The following DCLK3 variants were observed in gnomAD, a reference collection of about 807,000 sequenced individuals.
The protein encoded by DCLK3 is doublecortin like kinase 3.
Under a neutral mutation model 46.4 loss-of-function variants are expected in DCLK3, and 30 were observed. The ratio of observed to expected loss-of-function variants is 0.65; its 90% confidence interval spans 0.48 to 0.88. The LOEUF is 0.88. Ranked by LOEUF, DCLK3 falls within the 40% of genes least tolerant of loss-of-function variation. The pLI, the probability that DCLK3 is intolerant of heterozygous loss-of-function variation, is 0.00. For synonymous variants in DCLK3, 401 were observed against 339.2 expected, an observed-to-expected ratio of 1.18 and a Z score of -2.00; for missense variants, 846 against 907.1, an observed-to-expected ratio of 0.93 and a Z score of 0.87.
intron 1 of DCLK3, among the ~76,000 whole-genome samples, chr3:36,759,513 A>T (rs894294500): frequency 1.3e-5 from 2 of 152,230 alleles, no homozygotes; most frequent in Admixed American, 1.3e-4. Context: ...ACCTTCGTTG[A>T]GTTAAACTAC....
At chr3:36,751,125 G>T (rs1429007943) in intron 1 of DCLK3, among the ~76,000 whole-genome samples, 1 of 139,274 alleles carries the variant, frequency 7.2e-6, no homozygotes, top group Non-Finnish European at 1.6e-5. Flanking sequence ...GAAGAAGAGT[G>T]ATGTTTGGGT....
intron 1 of DCLK3, among the ~76,000 whole-genome samples, chr3:36,763,780 C>T (rs1349707766): frequency 1.3e-5 from 2 of 152,158 alleles, no homozygotes; most frequent in African/African-American, 4.8e-5. Context: ...CTAGGTGAAG[C>T]GCTTGGCATG....
At position 36,737,851 on chromosome 3, in the gene DCLK3, C is replaced by T. The variant is rs748785909; in HGVS notation, c.1316G>A (p.Ser439Asn). The change falls in exon 2 of 5, where the codon AGC (serine) becomes AAC (asparagine). Residue 439 changes from serine to asparagine, a missense_variant. Ser to Asn is a conservative substitution (Grantham distance 46). This residue lies in a region of DCLK3 where 553 missense variants were observed against 543.0 expected (regional missense o/e 1.02). Coordinates refer to ENST00000636136, the MANE Select transcript of DCLK3 (RefSeq NM_001394672.2). The surrounding 1 kb of genome is among the most constrained non-coding windows in gnomAD (Gnocchi z 4.4). ...TCTCAGGAGCCAGCCACCATGTTTGCTCCTGCTCATGGGCCTGGTGTCCTT... is the reference window on the plus strand; with the variant it reads ...TCTCAGGAGCCAGCCACCATGTTTGTTCCTGCTCATGGGCCTGGTGTCCTT... Reference protein sequence around the residue: ...VKKDTRPMSRSKHGGWLLREH... With the variant: ...VKKDTRPMSRNKHGGWLLREH... The T allele has an allele frequency of 1.2e-5, 19 of 1,614,000 alleles. No individual in the cohort carries two copies. Among genetic ancestry groups the T allele is most frequent in the Non-Finnish European group, 1.4e-5 (16 of 1,180,028 alleles).
At chr3:36,717,067 T>C (rs946657758) in intron 4 of DCLK3, among the ~76,000 whole-genome samples, 1 of 152,166 alleles carries the variant, frequency 6.6e-6, no homozygotes, top group African/African-American at 2.4e-5. Context: ...TAAAATTCAA[T>C]AGCATGTTTA....
intron 1 of DCLK3, among the ~76,000 whole-genome samples, chr3:36,748,370 T>C (rs1701411071): frequency 6.6e-6 from 1 of 152,136 alleles, no homozygotes; most frequent in Non-Finnish European, 1.5e-5. Flanking sequence ...GAAGGAGCTG[T>C]GTTTCAAAGA....
rs1463104891 is a variant in DCLK3, at chr3:36,737,982, G to C, written c.1185C>G (p.Asp395Glu). The C allele has an allele frequency of 4.3e-6, 7 of 1,614,042 alleles. No homozygotes were observed. The African/African-American group carries it at 9.3e-5, about 22-fold the overall frequency. The change falls in exon 2 of 5, where the codon GAC becomes GAG. Residue 395 changes from aspartate (D) to glutamate (E), a missense_variant. Physicochemically the swap from Asp to Glu is conservative, Grantham distance 45. Transcript: ENST00000636136. This position sits in a 1 kb window ranked among gnomAD's most constrained non-coding sequence, Gnocchi z 4.4. The stretch of plus-strand genomic sequence containing the variant: ...GGCTTTCTTGATCCTCTGGGCCTCT[G>C]TCCTCTTTCTTGTCCATGCTCTTGC... ...RPSKSMDKKE[D>E]RGPEDQESHA... is the part of the protein sequence containing the mutation.
chr3:36,734,299 G>C (rs1037292315), intron 2 of DCLK3, among the ~76,000 whole-genome samples: 8 of 152,180 alleles, frequency 5.3e-5, no homozygotes, highest in Middle Eastern at 3.2e-3. Flanking sequence ...ATAGCATTTA[G>C]ACTTCTGACA....
intron 1 of DCLK3, among the ~76,000 whole-genome samples, chr3:36,741,973 A>T (rs1264685468): frequency 1.3e-5 from 2 of 152,178 alleles, no homozygotes; most frequent in African/African-American, 4.8e-5. Context: ...CTCAGGGGAG[A>T]ACCAATAGGA....
rs139751421 is a variant in DCLK3 at position 36,760,289 on chromosome 3, A to G, written c.82+3893T>C. Among the ~76,000 whole-genome samples the G allele has an allele frequency of 3.7e-4, 56 of 152,288 alleles. 2 individuals carry two copies. In the East Asian group the frequency reaches 8.1e-3, roughly 22 times the overall value. ...GGAGTAGCCTAGGGCCTTGTACTCA[A>G]AATGTGGTCCCTAAAGAAACAACAT... On this transcript the variant is annotated intron_variant, in intron 1 of 4. Coordinates refer to ENST00000636136, the MANE Select transcript of DCLK3 (RefSeq NM_001394672.2).
chr3:36,758,002 G>C (rs886539436), intron 1 of DCLK3, among the ~76,000 whole-genome samples: 18 of 152,174 alleles, frequency 1.2e-4, no homozygotes, highest in Admixed American at 3.3e-4. Flanking sequence ...AGCCTCCCCA[G>C]ATTCTGCTGT....
At chr3:36,742,380 T>G (rs1180711674) in intron 1 of DCLK3, among the ~76,000 whole-genome samples, 1 of 152,156 alleles carries the variant, frequency 6.6e-6, no homozygotes, top group Non-Finnish European at 1.5e-5. Flanking sequence ...GAGAACAATC[T>G]GGGAACATCC....
chr3:36,748,470 C>A (rs1483457021), intron 1 of DCLK3, among the ~76,000 whole-genome samples: 1 of 152,152 alleles, frequency 6.6e-6, no homozygotes, highest in African/African-American at 2.4e-5. Context: ...GCCCCAGGAC[C>A]CAGGGCAGCC....
chr3:36,745,838 G>T (rs902104526), intron 1 of DCLK3, among the ~76,000 whole-genome samples: 1 of 152,186 alleles, frequency 6.6e-6, no homozygotes, highest in Non-Finnish European at 1.5e-5. Context: ...ATTTGATTAT[G>T]CCAACACCCC....
chr3:36,760,766 A>G (rs7648944), intron 1 of DCLK3, among the ~76,000 whole-genome samples: 27,540 of 152,202 alleles, frequency 0.18, 2,595 homozygotes, highest in South Asian at 0.22. Flanking sequence ...AGCAATATTC[A>G]AAAAGTACTG....
At position 36,716,347 on chromosome 3, in the gene DCLK3, C is replaced by T. The variant is rs559819503; in HGVS notation, c.2261-826G>A. Among the ~76,000 whole-genome samples the T allele has an allele frequency of 1.1e-4, 17 of 152,326 alleles. No homozygotes were observed. The South Asian group carries it at 3.1e-3, about 28-fold the overall frequency. On this transcript the variant is annotated intron_variant, in intron 4 of 4. Transcript: ENST00000636136. ...TTACTCAAGACCAGCTGCTTACCCA[C>T]CAATCACCGCTCCCCTCCCCCGATG...
In DCLK3 at chr3:36,764,029, TACAC is replaced by T. The variant is rs951993422; in HGVS notation, c.82+149_82+152del. 1.1e-3 allele frequency among the ~76,000 whole-genome samples: 160 copies of T among 152,016 alleles called. No homozygotes were observed. Among genetic ancestry groups the T allele is most frequent in the African/African-American group, 3.7e-3 (152 of 41,512 alleles). ...ACACACATACACACGTACACACACATACACACACACAGTCCTCCGTACACCCACG... is the reference window on the plus strand; with the variant it reads ...ACACACATACACACGTACACACACATACACACAGTCCTCCGTACACCCACG... On this transcript the variant is annotated intron_variant, in intron 1 of 4. Transcript: ENST00000636136. The surrounding 1 kb of genome is among the most constrained non-coding windows in gnomAD (Gnocchi z 4.9).
In DCLK3 at chr3:36,738,297, T is replaced by C; in HGVS notation, c.870A>G (p.Gly290=). 3 of 1,516,620 alleles carry C rather than the reference T, an allele frequency of 2.0e-6. No homozygotes were observed. Among genetic ancestry groups the C allele is most frequent in the Non-Finnish European group, 2.6e-6 (3 of 1,134,702 alleles). 93.9% of individuals were successfully genotyped at this position (1,516,620 alleles called of 1,614,324 possible). A position where few individuals can be genotyped will look rare whatever the true frequency, so the allele number is the denominator to read the frequency against. ...CAATCTCCACCCCAAGATGCTTCTC[T>C]CCCCTTGCGTGCCTCTCTTCCAGAG... ...EATLEERHAR[G]EKHLGVEIEK... is the part of the protein sequence containing the mutation. The change falls in exon 2 of 5, where the codon GGA becomes GGG. Residue 290 remains glycine, a synonymous_variant. Coordinates refer to ENST00000636136, the MANE Select transcript of DCLK3 (RefSeq NM_001394672.2).
At chr3:36,734,803 G>A (rs1701240586) in intron 2 of DCLK3, among the ~76,000 whole-genome samples, 1 of 151,814 alleles carries the variant, frequency 6.6e-6, no homozygotes, top group Non-Finnish European at 1.5e-5. Context: ...AAACCATGAA[G>A]AACTACCCAG....
At chr3:36,724,167 A>G (rs1701097126) in intron 2 of DCLK3, among the ~76,000 whole-genome samples, 3 of 152,162 alleles carry the variant, frequency 2.0e-5, no homozygotes, top group South Asian at 2.1e-4. Flanking sequence ...TCAGACTTTC[A>G]TGGGGCCTGT....
Sources: gnomAD v4.1 joint callset for allele counts (sites outside exome capture counted in the v4.1 genomes callset) on GRCh38, gnomAD v4.1.1 for gene constraint, gnomAD v4.1.1 regional missense constraint, Gnocchi (gnomAD v3.1) non-coding constraint, MANE v1.5 for transcripts, NCBI Gene and HGNC (gene_info 2026-07-23, HGNC 2026-07-21) for gene names.